Variants in TRRAP observed in about 807,000 individuals in gnomAD.
TRRAP encodes transformation/transcription domain-associated protein.
A neutral mutation model predicts 438.8 loss-of-function variants in TRRAP; 41 were observed. That is an observed-to-expected ratio of 0.09 (90% CI 0.07 to 0.12). The LOEUF is 0.12. Among genes scored for constraint, TRRAP ranks in the 10% least tolerant of loss-of-function variants. The pLI is 1.00. For missense variants in TRRAP, 3,122 were observed against 5,055.1 expected, an observed-to-expected ratio of 0.62 and a Z score of 11.60; for synonymous variants, 1,994 against 1,962.9, an observed-to-expected ratio of 1.02 and a Z score of -0.42.
At chr7:98,917,724 A>G in intron 20 of TRRAP, 45 bp downstream of exon 20, 1 of 1,595,944 alleles carries the variant, frequency 6.3e-7, no homozygotes, top group Non-Finnish European at 8.6e-7. Context: ...CCCTGGAAGC[A>G]GTGGGCCGTC....
intron 70 of TRRAP, among the ~76,000 whole-genome samples, chr7:99,009,459 C>G (rs1047520590): frequency 6.6e-6 from 1 of 152,196 alleles, no homozygotes; most frequent in East Asian, 1.9e-4. Context: ...GCTGCAGCAT[C>G]AGGTGCAGCC....
intron 56 of TRRAP, 43 bp from the exon 57 acceptor site, chr7:98,978,168 G>A (rs760657011): frequency 6.6e-7 from 1 of 1,508,054 alleles, no homozygotes; most frequent in East Asian, 2.3e-5. Flanking sequence ...GAAAAGGTGT[G>A]TTTCTAGTTA....
intron 12 of TRRAP, among the ~76,000 whole-genome samples, chr7:98,904,227 T>G (rs1460904051): frequency 2.6e-5 from 4 of 152,054 alleles, no homozygotes; most frequent in Non-Finnish European, 5.9e-5. Flanking sequence ...CTCACGTCTG[T>G]AATCCCAGCA....
chr7:98,963,047 G>A (rs1249313149), intron 47 of TRRAP, among the ~76,000 whole-genome samples: 1 of 152,162 alleles, frequency 6.6e-6, no homozygotes, highest in East Asian at 1.9e-4. Flanking sequence ...ACAAATGAAG[G>A]AATACTAAGT....
chr7:98,905,234 T>C (rs1349450906), intron 12 of TRRAP, among the ~76,000 whole-genome samples: 2 of 152,188 alleles, frequency 1.3e-5, no homozygotes, highest in Non-Finnish European at 2.9e-5. Flanking sequence ...CAGAGGGGCC[T>C]GCTTGTGGCT....
At chr7:99,009,183 G>A (rs1459234476) in intron 70 of TRRAP, among the ~76,000 whole-genome samples, 2 of 152,166 alleles carry the variant, frequency 1.3e-5, no homozygotes, top group African/African-American at 4.8e-5. Flanking sequence ...GGCAGGGCAG[G>A]TATGGGCTTT....
chr7:98,920,983 G>C (rs569099925), intron 20 of TRRAP, among the ~76,000 whole-genome samples: 79 of 152,144 alleles, frequency 5.2e-4, no homozygotes, highest in Non-Finnish European at 9.4e-4. Flanking sequence ...GGGATTACAG[G>C]CATGTGCCAC....
At chr7:98,914,319 G>C (rs1554409256) in intron 18 of TRRAP, among the ~76,000 whole-genome samples, 1 of 152,122 alleles carries the variant, frequency 6.6e-6, no homozygotes, top group Non-Finnish European at 1.5e-5. Flanking sequence ...AGGATCGTTT[G>C]AATGAGCCAG....
chr7:98,913,412 G>T (rs1454476012), intron 18 of TRRAP, among the ~76,000 whole-genome samples: 1 of 151,686 alleles, frequency 6.6e-6, no homozygotes, highest in African/African-American at 2.4e-5. Flanking sequence ...CCTCAGCTTC[G>T]CCAGTAACTG....
chr7:98,955,264 A>G lies in TRRAP; in HGVS notation c.5897A>G (p.Gln1966Arg). 1 of 1,614,096 alleles carries G rather than the reference A, an allele frequency of 6.2e-7. No homozygotes were observed. Among genetic ancestry groups the G allele is most frequent in the South Asian group, 1.1e-5 (1 of 91,074 alleles). Residue 1966 changes from glutamine (Q) to arginine (R), a missense_variant, in exon 41 of 73, where the codon CAG becomes CGG. Around this residue, in one of 24 missense-constraint regions of TRRAP, gnomAD observed 35 missense variants for 104.9 expected, o/e 0.33. Transcript: ENST00000456197. Reference protein sequence around the residue: ...IIVEEGHTVPQLVHILHLIVQ... With the variant: ...IIVEEGHTVPRLVHILHLIVQ... ...GTGGAGGAGGGGCACACCGTCCCGCAGCTGGTCCACATTCTGCACCTGATA... is the reference window on the plus strand; with the variant it reads ...GTGGAGGAGGGGCACACCGTCCCGCGGCTGGTCCACATTCTGCACCTGATA...
chr7:98,897,695 A>C, intron 7 of TRRAP, 46 bp from the exon 8 acceptor site: 32 of 1,550,036 alleles, frequency 2.1e-5, no homozygotes, highest in South Asian at 1.9e-4. Context: ...TTGAATGAAT[A>C]TTGGGTTTGA....
chr7:98,941,437 T>A (rs1554415563), intron 30 of TRRAP, among the ~76,000 whole-genome samples: 1 of 152,226 alleles, frequency 6.6e-6, no homozygotes, highest in African/African-American at 2.4e-5. Context: ...CCCAAAGTGC[T>A]GGGATTACAG....
intron 70 of TRRAP, among the ~76,000 whole-genome samples, chr7:99,008,832 C>G (rs536687973): frequency 2.0e-5 from 3 of 152,196 alleles, no homozygotes; most frequent in Non-Finnish European, 4.4e-5. Flanking sequence ...CCTGTACTTA[C>G]AAAGAAGCGC....
At chr7:98,946,573 C>T (rs144531644) in intron 33 of TRRAP, among the ~76,000 whole-genome samples, 5 of 145,858 alleles carry the variant, frequency 3.4e-5, no homozygotes, top group Admixed American at 6.8e-5. Context: ...ACACACCACA[C>T]GCGCACACAC....
intron 8 of TRRAP, among the ~76,000 whole-genome samples, chr7:98,899,196 A>C (rs1389822411): frequency 1.3e-5 from 2 of 152,230 alleles, no homozygotes; most frequent in Non-Finnish European, 2.9e-5. Flanking sequence ...CTCAAAAAAA[A>C]AGAAAACCTT....
intron 3 of TRRAP, among the ~76,000 whole-genome samples, chr7:98,884,964 G>A (rs1676112835): frequency 2.6e-5 from 4 of 152,150 alleles, no homozygotes; most frequent in Admixed American, 2.6e-4. Context: ...AGATGAGAAA[G>A]TCACATTTGT....
At chr7:98,912,506 C>T (rs1169755466) in intron 18 of TRRAP, among the ~76,000 whole-genome samples, 2 of 151,896 alleles carry the variant, frequency 1.3e-5, no homozygotes, top group Non-Finnish European at 2.9e-5. Context: ...GTGTGAAAAT[C>T]ATTCCGTGTA....
intron 60 of TRRAP, among the ~76,000 whole-genome samples, chr7:98,983,819 C>T (rs1398673246): frequency 6.6e-6 from 1 of 152,120 alleles, no homozygotes; most frequent in African/African-American, 2.4e-5. Flanking sequence ...CCTGGTCCCC[C>T]TCTTATCCCC....
At position 98,956,212 on chromosome 7, in the gene TRRAP, ACGC is replaced by A; in HGVS notation, c.6006_6008del (p.Pro2003del). On this transcript the variant is annotated inframe_deletion, in exon 42 of 73. Transcript: ENST00000456197. The surrounding 1 kb of genome is among the most constrained non-coding windows in gnomAD (Gnocchi z 4.5). ...GAGCGCCATGCAGAGGCTGGGCTTCACGCCCAGTGTCACCATCGAGCAGAGGCG... is the reference window on the plus strand; with the variant it reads ...GAGCGCCATGCAGAGGCTGGGCTTCACCAGTGTCACCATCGAGCAGAGGCG... The A allele has an allele frequency of 1.2e-6, 2 of 1,613,692 alleles. No individual in the cohort carries two copies. The highest frequency in any genetic ancestry group is 1.7e-6 in the Non-Finnish European group (2 of 1,180,010).
Sources: allele counts gnomAD v4.1 joint callset (sites outside exome capture counted in the v4.1 genomes callset), GRCh38; gene constraint gnomAD v4.1.1; regional missense constraint gnomAD v4.1.1; non-coding constraint Gnocchi (gnomAD v3.1); transcripts MANE v1.5; gene names NCBI Gene and HGNC (gene_info 2026-07-23, HGNC 2026-07-21).